Variants in COPG2 observed in about 807,000 individuals in gnomAD.
COPG2 encodes the protein coatomer subunit gamma-2.
COPG2 carries 37 observed loss-of-function variants against 46.3 expected under a neutral mutation model. That is an observed-to-expected ratio of 0.80 (90% CI 0.61 to 1.05). The LOEUF (loss-of-function observed/expected upper bound fraction) is 1.05, where lower values mean the gene tolerates loss of function less well. Ranked by LOEUF, COPG2 falls within the 50% of genes least tolerant of loss-of-function variation. The pLI is 0.00. For synonymous variants in COPG2, 159 were observed against 129.7 expected, an observed-to-expected ratio of 1.23 and a Z score of -1.53; for missense variants, 427 against 387.8, an observed-to-expected ratio of 1.10 and a Z score of -0.85.
chr7:130,513,348 T>TGG (rs1799639695), intron 20 of COPG2, among the ~76,000 whole-genome samples: 1 of 67,846 alleles, frequency 1.5e-5, no homozygotes, highest in Non-Finnish European at 3.4e-5. Context: ...TATATGTGTG[T>TGG]GTGTGTGTGT....
intron 21 of COPG2, chr7:130,508,140 A>G (rs1799532484): frequency 3.7e-6 from 1 of 267,644 alleles, no homozygotes; most frequent in South Asian, 9.1e-5. Context: ...TTTTTTAAAA[A>G]AAGTTTTCCC....
chr7:130,598,706 C>T (rs955418235), intron 9 of COPG2, among the ~76,000 whole-genome samples: 3 of 152,174 alleles, frequency 2.0e-5, no homozygotes, highest in Non-Finnish European at 4.4e-5. Flanking sequence ...CTGCAATAAG[C>T]CCCATCTTCT....
rs1248460436 is a variant in COPG2 at position 130,507,955 on chromosome 7, G to C, written c.2248-132C>G. ...CAAAATAGTTTAAGTTCTGTAGTCTGGATAAATCTAATGTTGTAGCCCTTA... is the reference window on the plus strand; with the variant it reads ...CAAAATAGTTTAAGTTCTGTAGTCTCGATAAATCTAATGTTGTAGCCCTTA... On this transcript the variant is annotated intron_variant, in intron 21 of 23. Transcript: ENST00000425248. The C allele has an allele frequency of 6.2e-6, 4 of 644,708 alleles. No individual in the cohort carries two copies. In the Admixed American group the frequency reaches 8.0e-5, roughly 13 times the overall value. 39.9% of individuals were successfully genotyped at this position (644,708 alleles called of 1,614,324 possible).
chr7:130,556,020 A>G (rs1323127271), intron 12 of COPG2, among the ~76,000 whole-genome samples: 1 of 152,104 alleles, frequency 6.6e-6, no homozygotes, highest in Non-Finnish European at 1.5e-5. Context: ...CAGTAGCCAG[A>G]GTGTGAGCAT....
chr7:130,564,222 T>C (rs1793765645), intron 10 of COPG2, 38 bp downstream of exon 10: 1 of 398,410 alleles, frequency 2.5e-6, no homozygotes, highest in African/African-American at 2.1e-5. Context: ...AGCAAAAACT[T>C]AGGAACATAA....
intron 20 of COPG2, among the ~76,000 whole-genome samples, chr7:130,537,251 G>A (rs1464704419): frequency 4.6e-5 from 7 of 151,664 alleles, no homozygotes; most frequent in African/African-American, 1.7e-4. Context: ...GGAAGGTTTA[G>A]GGGAGTCAGG....
At chr7:130,570,499 G>C (rs1554445397) in intron 9 of COPG2, among the ~76,000 whole-genome samples, 2 of 152,254 alleles carry the variant, frequency 1.3e-5, no homozygotes. Context: ...AACCAAGGAG[G>C]TGAAAGATTT....
intron 20 of COPG2, among the ~76,000 whole-genome samples, chr7:130,543,710 G>T (rs1256488186): frequency 2.0e-5 from 3 of 152,178 alleles, no homozygotes; most frequent in African/African-American, 7.2e-5. Flanking sequence ...CAATAGAGCA[G>T]GGTTTTGTTT....
chr7:130,573,423 A>T (rs1171062715), intron 9 of COPG2, among the ~76,000 whole-genome samples: 1 of 152,118 alleles, frequency 6.6e-6, no homozygotes, highest in Non-Finnish European at 1.5e-5. Flanking sequence ...TCTCCCTTCT[A>T]CCAAAAACAA....
In COPG2 at chr7:130,508,607, A is replaced by AG; in HGVS notation, c.2201dup (p.Asn735Ter). On this transcript the variant is annotated frameshift_variant, in exon 21 of 24. Transcript: ENST00000425248. LOFTEE classifies it high-confidence loss of function. Reference sequence around the variant, plus strand: ...CATCCTCATCTGGAACTCCAGTGTTAGGGTCACAGTCCCGGACTGTAAACT... The same window carrying AG: ...CATCCTCATCTGGAACTCCAGTGTTAGGGGTCACAGTCCCGGACTGTAAACT... 1 of 777,078 alleles carries AG rather than the reference A, an allele frequency of 1.3e-6. No homozygotes were observed. Among genetic ancestry groups the AG allele is most frequent in the Non-Finnish European group, 2.4e-6 (1 of 416,558 alleles). 48.1% of individuals were successfully genotyped at this position (777,078 alleles called of 1,614,324 possible).
In COPG2 at chr7:130,506,864, G is replaced by A. The variant is rs1799502155; in HGVS notation, c.2486-58C>T. On this transcript the variant is annotated intron_variant, in intron 23 of 23. Transcript: ENST00000425248. ...GAACCCAAAACAAGCACTGGATAAT[G>A]AAATTTATCATGCTATCCCTGCATC... The A allele has an allele frequency of 4.2e-6, 3 of 719,924 alleles. No individual in the cohort carries two copies. The Admixed American group carries it at 6.1e-5, about 15-fold the overall frequency. The allele number at this position is 719,924 out of a possible 1,614,324, so 44.6% of individuals were successfully genotyped here.
intron 9 of COPG2, among the ~76,000 whole-genome samples, chr7:130,590,844 G>A (rs1346574133): frequency 1.3e-5 from 2 of 152,046 alleles, no homozygotes; most frequent in African/African-American, 4.8e-5. Flanking sequence ...TCTGGGATGT[G>A]AGGAGCGTCT....
intron 9 of COPG2, among the ~76,000 whole-genome samples, chr7:130,604,507 A>G (rs549212230): frequency 6.6e-6 from 1 of 152,330 alleles, no homozygotes; most frequent in Non-Finnish European, 1.5e-5. Context: ...GGAATAAGAA[A>G]TAAAATGACT....
chr7:130,624,709 C>T (rs905417482), intron 5 of COPG2, among the ~76,000 whole-genome samples: 1 of 152,150 alleles, frequency 6.6e-6, no homozygotes, highest in Non-Finnish European at 1.5e-5. Context: ...GAATAATGGC[C>T]TCCAGTTCCA....
At chr7:130,576,127 C>A (rs942161421) in intron 9 of COPG2, among the ~76,000 whole-genome samples, 1 of 152,140 alleles carries the variant, frequency 6.6e-6, no homozygotes, top group African/African-American at 2.4e-5. Flanking sequence ...TAGTGGGGGA[C>A]TTCAATACTC....
Position 130,652,602 on chromosome 7 carries a change from TTA to T in COPG2, c.323+265_323+266del, listed in dbSNP as rs1447038577. Among the ~76,000 whole-genome samples, 3 of 152,236 alleles carry T rather than the reference TTA, an allele frequency of 2.0e-5. No individual in the cohort carries two copies. The East Asian group carries it at 5.8e-4, about 29-fold the overall frequency. ...TGTAAATATTTTATTTCAGTGCACG[TTA>T]TCTTTTACTTTTTAGTTTTATCCAT... On this transcript the variant is annotated intron_variant, in intron 5 of 23. Transcript: ENST00000425248.
At position 130,588,942 on chromosome 7, in the gene COPG2, G is replaced by C. The variant is rs140736759; in HGVS notation, c.737+22011C>G. Among the ~76,000 whole-genome samples the C allele has an allele frequency of 6.8e-3, 1,034 of 151,894 alleles. 4 individuals are homozygous for C. Among genetic ancestry groups the C allele is most frequent in the Non-Finnish European group, 0.012 (813 of 67,972 alleles). The stretch of plus-strand genomic sequence containing the variant: ...CAATATAAAAAAATATTTACCCCCC[G>C]CCACACACATATACACACAAGGAGA... On this transcript the variant is annotated intron_variant, in intron 9 of 23. Transcript: ENST00000425248.
intron 9 of COPG2, chr7:130,610,712 AT>A: frequency 3.2e-6 from 2 of 632,004 alleles, no homozygotes; most frequent in Non-Finnish European, 5.7e-6. Flanking sequence ...CAATGCATAT[AT>A]TTTTTGTTCA....
chr7:130,507,613 T>C, intron 22 of COPG2, 72 bp downstream of exon 22: 1 of 706,946 alleles, frequency 1.4e-6, no homozygotes, highest in Non-Finnish European at 2.6e-6. Context: ...GGAGTTCTTC[T>C]GGAGTAACAA....
Sources: allele counts gnomAD v4.1 joint callset (sites outside exome capture counted in the v4.1 genomes callset), GRCh38; gene constraint gnomAD v4.1.1; transcripts MANE v1.5; gene names NCBI Gene and HGNC (gene_info 2026-07-23, HGNC 2026-07-21).